Variants in USH2A observed in about 807,000 individuals in gnomAD.
USH2A encodes the protein Usher syndrome 2A (autosomal recessive, mild).
USH2A carries 443 observed loss-of-function variants against 538.9 expected under a neutral mutation model. The observed-to-expected ratio is 0.82, with a 90% CI of 0.76 to 0.89. The LOEUF (loss-of-function observed/expected upper bound fraction) is 0.89, where lower values mean the gene tolerates loss of function less well. Among genes scored for constraint, USH2A ranks in the 40% least tolerant of loss-of-function variants. The pLI, the probability that USH2A is intolerant of heterozygous loss-of-function variation, is 0.00. For synonymous variants in USH2A, 2,413 were observed against 2,273.5 expected, an observed-to-expected ratio of 1.06 and a Z score of -1.75; for missense variants, 6,633 against 6,324.8, an observed-to-expected ratio of 1.05 and a Z score of -1.65.
intron 47 of USH2A, among the ~76,000 whole-genome samples, chr1:215,825,861 T>C (rs1212263927): frequency 2.6e-5 from 4 of 152,198 alleles, no homozygotes; most frequent in African/African-American, 9.7e-5. Flanking sequence ...TTATAAATTG[T>C]AGTAGGTAAA....
intron 32 of USH2A, among the ~76,000 whole-genome samples, chr1:216,015,014 T>C (rs1668672010): frequency 6.6e-6 from 1 of 152,192 alleles, no homozygotes; most frequent in African/African-American, 2.4e-5. Flanking sequence ...TATGATCTAA[T>C]ACATATTGTC....
intron 49 of USH2A, among the ~76,000 whole-genome samples, chr1:215,801,263 C>T (rs1217625446): frequency 2.6e-5 from 4 of 151,496 alleles, no homozygotes. Flanking sequence ...TTGTATTCTA[C>T]ATAATATTGG....
intron 63 of USH2A, 93 bp downstream of exon 63, chr1:215,674,007 T>A (rs968602528): frequency 1.2e-6 from 2 of 1,610,216 alleles, no homozygotes; most frequent in African/African-American, 2.7e-5. Context: ...TTGCATCCCA[T>A]TTTTAGAGTC....
At chr1:215,743,957 GC>G (rs1660392325) in intron 58 of USH2A, among the ~76,000 whole-genome samples, 1 of 151,984 alleles carries the variant, frequency 6.6e-6, no homozygotes, top group African/African-American at 2.4e-5. Context: ...ATTTTTAAAA[GC>G]ATAATATTTC....
At chr1:215,906,048 T>C (rs1665632470) in intron 38 of USH2A, among the ~76,000 whole-genome samples, 1 of 152,102 alleles carries the variant, frequency 6.6e-6, no homozygotes, top group South Asian at 2.1e-4. Context: ...ATTGAGTCAT[T>C]GAGTCATGAA....
rs1350451563 is a variant in USH2A, at chr1:216,143,243, TACA to T, written c.4627+32006_4627+32008del. On this transcript the variant is annotated intron_variant, in intron 21 of 71. Transcript: ENST00000307340. Reference sequence around the variant, plus strand: ...ATTTTATCCTTGACAATTCTGCTAATACAACAACACAGGATAGCAGTTGCTTTC... The same window carrying T: ...ATTTTATCCTTGACAATTCTGCTAATACAACACAGGATAGCAGTTGCTTTC... 5.3e-5 allele frequency among the ~76,000 whole-genome samples: 8 copies of T among 152,344 alleles called. No individual in the cohort carries two copies. The East Asian group carries it at 1.5e-3, about 29-fold the overall frequency.
intron 3 of USH2A, among the ~76,000 whole-genome samples, chr1:216,389,373 A>G (rs1405044459): frequency 1.3e-5 from 2 of 152,180 alleles, no homozygotes; most frequent in African/African-American, 2.4e-5. Flanking sequence ...GTAAGGAATC[A>G]GTCCTTCTAT....
At chr1:216,143,112 C>G (rs2033630905) in intron 21 of USH2A, among the ~76,000 whole-genome samples, 1 of 152,146 alleles carries the variant, frequency 6.6e-6, no homozygotes, top group Non-Finnish European at 1.5e-5. Context: ...TTTGAAACCT[C>G]TGCCAAACTT....
At chr1:215,691,720 A>C (rs1459608755) in intron 61 of USH2A, among the ~76,000 whole-genome samples, 1 of 152,090 alleles carries the variant, frequency 6.6e-6, no homozygotes, top group South Asian at 2.1e-4. Flanking sequence ...GCCTGCATCT[A>C]CTTCATTCTC....
At chr1:216,066,319 A>T (rs1013927303) in intron 30 of USH2A, among the ~76,000 whole-genome samples, 1 of 152,074 alleles carries the variant, frequency 6.6e-6, no homozygotes, top group Admixed American at 6.5e-5. Flanking sequence ...AAATACAAAA[A>T]AAATTACCCG....
chr1:216,213,281 A>G (rs530978637), intron 15 of USH2A, among the ~76,000 whole-genome samples: 2 of 152,218 alleles, frequency 1.3e-5, no homozygotes, highest in Admixed American at 6.5e-5. Flanking sequence ...GAATCATATC[A>G]TCTACAAGTA....
At position 216,175,273 on chromosome 1, in the gene USH2A, G is replaced by C; in HGVS notation, c.4606C>G (p.Pro1536Ala). The C allele has an allele frequency of 6.2e-7, 1 of 1,613,674 alleles. No individual in the cohort carries two copies. Among genetic ancestry groups the C allele is most frequent in the African/African-American group, 1.3e-5 (1 of 75,032 alleles). Residue 1536 changes from proline (P) to alanine (A), a missense_variant, in exon 21 of 72, where the codon CCA becomes GCA. Coordinates refer to ENST00000307340, the MANE Select transcript of USH2A (RefSeq NM_206933.4). The stretch of plus-strand genomic sequence containing the variant: ...TTACCAGTGAAGTCTGTATTGACTG[G>C]GTGAGTGGAGCTGGGAAATTTACAA... ...GYCKFPSSTH[P>A]VNTDFTGIKA...
chr1:216,232,299 G>T (rs1430907854), intron 13 of USH2A, among the ~76,000 whole-genome samples, 163 bp from the exon 14 acceptor site: 3 of 152,110 alleles, frequency 2.0e-5, no homozygotes, highest in East Asian at 3.8e-4. Flanking sequence ...TATGACCAAA[G>T]AAAAACTGAG....
rs576425119 is a variant in USH2A at position 216,021,036 on chromosome 1, T to C, written c.6326-20474A>G. On this transcript the variant is annotated intron_variant, in intron 32 of 71. Transcript: ENST00000307340. Reference sequence around the variant, plus strand: ...TGAAGGGAAGGTAGTCTTGTGGGACTGGGCTCTTAAATCTATGGAGTCTTA... The same window carrying C: ...TGAAGGGAAGGTAGTCTTGTGGGACCGGGCTCTTAAATCTATGGAGTCTTA... Among the ~76,000 whole-genome samples, 4 of 152,296 alleles carry C rather than the reference T, an allele frequency of 2.6e-5. No homozygotes were observed. In the South Asian group the frequency reaches 8.3e-4, roughly 32 times the overall value.
Position 215,782,064 on chromosome 1 carries a change from G to A in USH2A, c.10718C>T (p.Ala3573Val). 3.7e-6 allele frequency: 6 copies of A among 1,613,998 alleles called. No homozygotes were observed. The highest frequency in any genetic ancestry group is 4.2e-6 in the Non-Finnish European group (5 of 1,179,892). The change falls in exon 54 of 72, where the codon GCT becomes GTT. Residue 3573 changes from alanine to valine, a missense_variant. Coordinates refer to ENST00000307340, the MANE Select transcript of USH2A (RefSeq NM_206933.4). ...TACCTTGCTACTGGTGGCACAGCCA[G>A]CAACCGTGCAAGCTTTCAGCTGATA... ...YSYQLKACTVAGCATSSKVVA... is the reference protein window; with the variant it reads ...YSYQLKACTVVGCATSSKVVA...
At chr1:215,892,423 A>T (rs956315682) in intron 40 of USH2A, among the ~76,000 whole-genome samples, 1 of 152,206 alleles carries the variant, frequency 6.6e-6, no homozygotes, top group African/African-American at 2.4e-5. Flanking sequence ...GTGAATTAAA[A>T]ATCAAAGTGG....
At chr1:216,164,946 G>T in intron 21 of USH2A, among the ~76,000 whole-genome samples, 1 of 152,056 alleles carries the variant, frequency 6.6e-6, no homozygotes, top group Non-Finnish European at 1.5e-5. Flanking sequence ...TCACACTGGG[G>T]GAATGACTTG....
chr1:216,068,184 C>T (rs771532953), intron 30 of USH2A, among the ~76,000 whole-genome samples: 5 of 151,930 alleles, frequency 3.3e-5, no homozygotes, highest in African/African-American at 7.3e-5. Context: ...GTGCTCGTCA[C>T]GAAAGTAATG....
At chr1:216,357,022 A>G (rs553301120) in intron 4 of USH2A, among the ~76,000 whole-genome samples, 1 of 152,168 alleles carries the variant, frequency 6.6e-6, no homozygotes, top group Non-Finnish European at 1.5e-5. Context: ...ATTTTCCTTT[A>G]GTGTTTCTGG....
Sources: gnomAD v4.1 joint callset for allele counts (sites outside exome capture counted in the v4.1 genomes callset) on GRCh38, gnomAD v4.1.1 for gene constraint, MANE v1.5 for transcripts, NCBI Gene and HGNC (gene_info 2026-07-23, HGNC 2026-07-21) for gene names.